Variants in CALN1 observed in about 807,000 individuals in gnomAD.
CALN1 encodes the protein calcium-binding protein 8.
A neutral mutation model predicts 30.6 loss-of-function variants in CALN1; 17 were observed. The ratio of observed to expected loss-of-function variants is 0.56; its 90% confidence interval spans 0.38 to 0.83. The LOEUF is 0.83. Among genes scored for constraint, CALN1 ranks in the 40% least tolerant of loss-of-function variants. The pLI, the probability that CALN1 is intolerant of heterozygous loss-of-function variation, is 0.00. For synonymous variants in CALN1, 156 were observed against 131.4 expected (o/e 1.19, Z -1.28); for missense variants, 291 against 354.9 (o/e 0.82, Z 1.45).
At chr7:71,900,063 T>C (rs1286157470) in intron 5 of CALN1, among the ~76,000 whole-genome samples, 2 of 152,204 alleles carry the variant, frequency 1.3e-5, no homozygotes, top group African/African-American at 4.8e-5. Context: ...TTTTAAACTT[T>C]ATCATGTCAA....
intron 2 of CALN1, chr7:72,336,576 G>T: frequency 3.9e-6 from 2 of 517,678 alleles, no homozygotes; most frequent in Middle Eastern, 1.0e-3. Flanking sequence ...CCAACCATCT[G>T]CCCACTCTGA....
chr7:71,811,035 C>T (rs1403370623), intron 5 of CALN1, among the ~76,000 whole-genome samples: 11 of 151,802 alleles, frequency 7.2e-5, no homozygotes, highest in Admixed American at 5.9e-4. Context: ...GCTGGAATTA[C>T]AGGTGCCCGC....
chr7:72,131,190 A>G (rs1329987837), intron 3 of CALN1, among the ~76,000 whole-genome samples: 1 of 152,172 alleles, frequency 6.6e-6, no homozygotes, highest in Non-Finnish European at 1.5e-5. Flanking sequence ...GTACTATAAT[A>G]TCCATAACTG....
chr7:71,791,871 C>T (rs940273005), intron 6 of CALN1, among the ~76,000 whole-genome samples: 16 of 152,054 alleles, frequency 1.1e-4, no homozygotes, highest in Admixed American at 3.3e-4. Context: ...ATTAGCCGGG[C>T]GTGTTGGCGG....
At chr7:72,485,604 G>T in the CALN1 span, among the ~76,000 whole-genome samples, 1 of 152,188 alleles carries the variant, frequency 6.6e-6, no homozygotes, top group South Asian at 2.1e-4. Flanking sequence ...GGGCATGGTG[G>T]CTCACGCCTG....
chr7:71,898,257 G>A (rs1297685167), intron 5 of CALN1, among the ~76,000 whole-genome samples: 1 of 152,090 alleles, frequency 6.6e-6, no homozygotes, highest in African/African-American at 2.4e-5. Flanking sequence ...TTGAACCCAG[G>A]AGGCAGAGGT....
At chr7:71,846,629 C>G (rs962413276) in intron 5 of CALN1, among the ~76,000 whole-genome samples, 12 of 151,262 alleles carry the variant, frequency 7.9e-5, no homozygotes, top group Middle Eastern at 3.5e-3. Context: ...ACAGGGTAAC[C>G]CTCCTTCTAT....
chr7:72,161,727 G>A (rs1442932087), intron 3 of CALN1, among the ~76,000 whole-genome samples: 1 of 151,940 alleles, frequency 6.6e-6, no homozygotes, highest in African/African-American at 2.4e-5. Context: ...GAGAAGACAG[G>A]GACACAGGGA....
chr7:72,406,024 G>A (rs2129562454), intron 1 of CALN1, among the ~76,000 whole-genome samples: 1 of 152,294 alleles, frequency 6.6e-6, no homozygotes, highest in Non-Finnish European at 1.5e-5. Context: ...ACTGAAGGTG[G>A]CAGCTCCCCG....
intron 5 of CALN1, among the ~76,000 whole-genome samples, chr7:71,848,982 A>G (rs1790481201): frequency 6.6e-6 from 1 of 151,888 alleles, no homozygotes; most frequent in African/African-American, 2.4e-5. Flanking sequence ...TTTCTTTTTT[A>G]ATTTGTTATG....
chr7:71,854,787 A>AT (rs1186721237), intron 5 of CALN1, among the ~76,000 whole-genome samples: 1 of 152,232 alleles, frequency 6.6e-6, no homozygotes, highest in Admixed American at 6.5e-5. Context: ...TCAGTGGGTG[A>AT]TAACTGTCAG....
chr7:72,388,700 CAGAG>C (rs377402191), intron 2 of CALN1, among the ~76,000 whole-genome samples: 9 of 151,520 alleles, frequency 5.9e-5, no homozygotes, highest in South Asian at 2.1e-4. Flanking sequence ...CCTAAAAATG[CAGAG>C]AGAGAGAGAG....
intron 2 of CALN1, among the ~76,000 whole-genome samples, chr7:72,287,735 T>A (rs1798184618): frequency 1.3e-5 from 2 of 152,284 alleles, no homozygotes; most frequent in South Asian, 2.1e-4. Context: ...CGTGAGCCAC[T>A]ACGCCCAGCC....
the CALN1 span, among the ~76,000 whole-genome samples, chr7:72,487,262 G>A: frequency 6.6e-5 from 10 of 152,256 alleles, no homozygotes; most frequent in East Asian, 1.9e-3. Flanking sequence ...AACAGACAAG[G>A]TGAGTAGACC....
intron 4 of CALN1, among the ~76,000 whole-genome samples, chr7:72,085,991 A>G (rs1458794954): frequency 1.3e-5 from 2 of 152,160 alleles, no homozygotes; most frequent in African/African-American, 4.8e-5. Flanking sequence ...AATCATCTGA[A>G]AGTCAGGTTA....
At chr7:71,827,754 AGAGT>A (rs1388263415) in intron 5 of CALN1, among the ~76,000 whole-genome samples, 4 of 149,004 alleles carry the variant, frequency 2.7e-5, no homozygotes, top group Admixed American at 2.1e-4. Context: ...CCTGGGTGAC[AGAGT>A]GAGACTCCAT....
At chr7:72,401,759 T>C (rs1000086768) in intron 2 of CALN1, among the ~76,000 whole-genome samples, 1 of 152,192 alleles carries the variant, frequency 6.6e-6, no homozygotes, top group African/African-American at 2.4e-5. Context: ...GCAAAAAGAT[T>C]TGTCTGTTTG....
intron 3 of CALN1, among the ~76,000 whole-genome samples, chr7:72,200,871 G>A (rs988580057): frequency 2.0e-5 from 3 of 152,148 alleles, no homozygotes; most frequent in Non-Finnish European, 4.4e-5. Context: ...AAGCAACTTG[G>A]AGATTTCTCA....
intron 1 of CALN1, among the ~76,000 whole-genome samples, chr7:72,432,636 C>G (rs998768900): frequency 6.6e-5 from 10 of 152,138 alleles, no homozygotes; most frequent in Non-Finnish European, 1.3e-4. Flanking sequence ...TTTTCATTGT[C>G]TATTTATTTT....
Sources: allele counts gnomAD v4.1 joint callset (sites outside exome capture counted in the v4.1 genomes callset), GRCh38; gene constraint gnomAD v4.1.1; transcripts MANE v1.5; gene names NCBI Gene and HGNC (gene_info 2026-07-23, HGNC 2026-07-21).